The following SRGAP3 variants were observed in gnomAD, a reference collection of about 807,000 sequenced individuals.
SRGAP3 encodes SLIT-ROBO Rho GTPase-activating protein 3.
A neutral mutation model predicts 121.1 loss-of-function variants in SRGAP3; 39 were observed. The observed-to-expected ratio is 0.32, with a 90% CI of 0.25 to 0.42. The LOEUF is 0.42. SRGAP3 is among the 10% of genes least tolerant of loss of function. SRGAP3 has a pLI of 1.00. For synonymous variants in SRGAP3, 601 were observed against 570.0 expected, an observed-to-expected ratio of 1.05 and a Z score of -0.77; for missense variants, 1,213 against 1,470.6, an observed-to-expected ratio of 0.82 and a Z score of 2.86.
intron 1 of SRGAP3, among the ~76,000 whole-genome samples, chr3:9,185,434 G>A (rs1951565531): frequency 1.3e-5 from 2 of 152,214 alleles, no homozygotes; most frequent in Admixed American, 6.5e-5. Flanking sequence ...GAACTGGGCT[G>A]ACTGTGGAAG....
At chr3:9,261,328 C>T (rs576319299) in intron 3 of SRGAP3, among the ~76,000 whole-genome samples, 1 of 152,096 alleles carries the variant, frequency 6.6e-6, no homozygotes, top group Non-Finnish European at 1.5e-5. Flanking sequence ...AGCAAGGGAA[C>T]AAAGCTGGAT....
intron 1 of SRGAP3, among the ~76,000 whole-genome samples, chr3:9,154,334 C>T (rs1490876994): frequency 3.9e-5 from 6 of 152,038 alleles, no homozygotes; most frequent in Admixed American, 1.3e-4. Flanking sequence ...CGCTAAACAA[C>T]GTAACTCAAA....
chr3:9,101,063 CTG>C (rs1472615087), intron 3 of SRGAP3, among the ~76,000 whole-genome samples: 3 of 152,182 alleles, frequency 2.0e-5, no homozygotes, highest in African/African-American at 7.2e-5. Flanking sequence ...TGATCAGGAC[CTG>C]TGAGTGAAAA....
intron 1 of SRGAP3, among the ~76,000 whole-genome samples, chr3:9,157,258 A>G (rs1212678740): frequency 2.6e-5 from 4 of 152,126 alleles, no homozygotes; most frequent in Non-Finnish European, 5.9e-5. Context: ...GGCAGCAGAG[A>G]AAGAGTAAAG....
rs766488932 is a variant in SRGAP3 at position 9,263,249 on chromosome 3, C to T, written n.442+62761G>A. ...AAAGGGAAATTTATAGCACTAAATG[C>T]CCTCAGAAGAAAGCAGGAAAGATCT... On this transcript the variant is annotated intron_variant and non_coding_transcript_variant, in intron 3 of 3. Coordinates refer to the SRGAP3 transcript ENST00000490889. 8.5e-5 allele frequency among the ~76,000 whole-genome samples: 13 copies of T among 152,212 alleles called. No individual in the cohort carries two copies. In the East Asian group the frequency reaches 2.3e-3, roughly 27 times the overall value.
At chr3:9,171,391 T>G (rs1019864818) in intron 1 of SRGAP3, among the ~76,000 whole-genome samples, 3 of 152,198 alleles carry the variant, frequency 2.0e-5, no homozygotes, top group Admixed American at 2.0e-4. Flanking sequence ...TGCGCCTCAG[T>G]TCTCTCCTCT....
chr3:9,318,071 ATCT>A (rs1233275587), intron 3 of SRGAP3, among the ~76,000 whole-genome samples: 3 of 151,074 alleles, frequency 2.0e-5, no homozygotes, highest in African/African-American at 4.9e-5. Context: ...CTAATTTGAA[ATCT>A]TCTTCCCACT....
chr3:9,073,790 T>C lies in SRGAP3; in HGVS notation c.486+6235A>G, dbSNP rs114842578. Among the ~76,000 whole-genome samples, 1,114 of 152,342 alleles carry C rather than the reference T, an allele frequency of 7.3e-3. 16 individuals carry two copies. The highest frequency in any genetic ancestry group is 0.025 in the African/African-American group (1,054 of 41,572). ...ATATACCTATGAACGCAAAGCAAGATGCAGAATAGTAAGTACAGTTGTCAC... is the reference window on the plus strand; with the variant it reads ...ATATACCTATGAACGCAAAGCAAGACGCAGAATAGTAAGTACAGTTGTCAC... On this transcript the variant is annotated intron_variant, in intron 4 of 21. Coordinates refer to ENST00000383836, the MANE Select transcript of SRGAP3 (RefSeq NM_014850.4).
intron 12 of SRGAP3, among the ~76,000 whole-genome samples, chr3:9,027,325 T>C (rs1488907330): frequency 6.6e-6 from 1 of 152,184 alleles, no homozygotes; most frequent in African/African-American, 2.4e-5. Flanking sequence ...AGTCTGGCCT[T>C]GAAGAGTTCT....
intron 1 of SRGAP3, among the ~76,000 whole-genome samples, chr3:9,362,569 C>G (rs1261213025): frequency 6.6e-6 from 1 of 152,044 alleles, no homozygotes; most frequent in East Asian, 1.9e-4. Context: ...CACTTGAACC[C>G]AGATGTTCGA....
chr3:9,253,151 A>C (rs538913941), upstream of SRGAP3, among the ~76,000 whole-genome samples: 28 of 152,304 alleles, frequency 1.8e-4, no homozygotes, highest in African/African-American at 5.8e-4. Context: ...AGAGCAGTGA[A>C]GCAAGTTACC....
intron 2 of SRGAP3, among the ~76,000 whole-genome samples, chr3:9,113,288 A>C (rs943322526): frequency 6.6e-6 from 1 of 152,126 alleles, no homozygotes; most frequent in Non-Finnish European, 1.5e-5. Context: ...ACTGTGAAGG[A>C]GGATCTGTCC....
intron 3 of SRGAP3, among the ~76,000 whole-genome samples, chr3:9,276,983 AC>A (rs1954595569): frequency 1.3e-5 from 2 of 152,250 alleles, no homozygotes; most frequent in South Asian, 4.1e-4. Flanking sequence ...TGGGTTGAAT[AC>A]TGCTCAGCCA....
intron 8 of SRGAP3, among the ~76,000 whole-genome samples, chr3:9,053,553 C>T (rs1306367768): frequency 1.4e-4 from 22 of 152,204 alleles, no homozygotes; most frequent in Admixed American, 1.4e-3. Context: ...AATTATGTAA[C>T]TCAAAACAAG....
At chr3:9,073,382 C>A (rs112860407) in intron 4 of SRGAP3, among the ~76,000 whole-genome samples, 7,590 of 152,296 alleles carry the variant, frequency 0.05, 259 homozygotes, top group South Asian at 0.11. Context: ...TAGGCTCAAG[C>A]GATCTGCCTG....
chr3:9,219,219 T>C (rs1952725227), intron 1 of SRGAP3: 1 of 152,132 alleles, frequency 6.6e-6, no homozygotes, highest in Non-Finnish European at 1.5e-5. Flanking sequence ...GAGAGAGGCA[T>C]CTTGCAGTTC....
chr3:9,265,193 C>A (rs147992595), intron 3 of SRGAP3, among the ~76,000 whole-genome samples: 1,733 of 152,190 alleles, frequency 0.011, 36 homozygotes, highest in African/African-American at 0.04. Flanking sequence ...GAAACTGGAC[C>A]CCTTCCTTAC....
At chr3:9,360,402 G>A (rs1003813048) in intron 1 of SRGAP3, among the ~76,000 whole-genome samples, 1 of 152,196 alleles carries the variant, frequency 6.6e-6, no homozygotes, top group Admixed American at 6.5e-5. Flanking sequence ...TCAAAAAATT[G>A]TAAGTCAAAC....
chr3:9,296,896 G>A (rs751107080), intron 3 of SRGAP3, among the ~76,000 whole-genome samples: 1 of 151,842 alleles, frequency 6.6e-6, no homozygotes, highest in Non-Finnish European at 1.5e-5. Flanking sequence ...TTTTGTTTTT[G>A]TTTTTTGAGA....
Sources: allele counts gnomAD v4.1 joint callset (sites outside exome capture counted in the v4.1 genomes callset), GRCh38; gene constraint gnomAD v4.1.1; transcripts MANE v1.5; gene names NCBI Gene and HGNC (gene_info 2026-07-23, HGNC 2026-07-21).